CASQ2: variants seen among roughly 807,000 people sequenced by gnomAD.
CASQ2 encodes calsequestrin-2.
In CASQ2, 49 loss-of-function variants were observed where a neutral mutation model predicts 46.5. The observed-to-expected ratio is 1.05, with a 90% CI of 0.84 to 1.34. The LOEUF is 1.34. Among genes scored for constraint, CASQ2 ranks in the 40% most tolerant of loss-of-function variants. The pLI is 0.00. For synonymous variants in CASQ2, 174 were observed against 168.5 expected (o/e 1.03, Z -0.25); for missense variants, 486 against 481.3 (o/e 1.01, Z -0.09).
intron 7 of CASQ2, among the ~76,000 whole-genome samples, chr1:115,720,997 T>C (rs766525711): frequency 2.6e-5 from 4 of 152,218 alleles, no homozygotes; most frequent in Non-Finnish European, 4.4e-5. Context: ...CACTTAATAT[T>C]TTACTCAGTT....
chr1:115,718,277 A>G (rs1161856356), intron 7 of CASQ2, among the ~76,000 whole-genome samples: 3 of 152,230 alleles, frequency 2.0e-5, no homozygotes, highest in African/African-American at 7.2e-5. Context: ...GAGAGCAACA[A>G]TGGCTCTGGA....
rs1320906825 is a variant in CASQ2 at position 115,701,104 on chromosome 1, G to C, written c.*137C>G. 7 of 1,329,732 alleles carry C rather than the reference G, an allele frequency of 5.3e-6. No individual in the cohort carries two copies. The Admixed American group carries it at 1.2e-4, about 22-fold the overall frequency. The allele number at this position is 1,329,732 out of a possible 1,614,324, so 82.4% of individuals were successfully genotyped here. A position where few individuals can be genotyped will look rare whatever the true frequency, so the allele number is the denominator to read the frequency against. On this transcript the variant is annotated 3_prime_UTR_variant, in exon 11 of 11. Transcript: ENST00000261448. ...TGAATGATGCTGCTCCTGACGCAAA[G>C]GGAGTGGGAAAAGAGATGATGGAAA...
At chr1:115,718,917 G>A (rs1048306767) in intron 7 of CASQ2, among the ~76,000 whole-genome samples, 2 of 152,086 alleles carry the variant, frequency 1.3e-5, no homozygotes, top group African/African-American at 4.8e-5. Flanking sequence ...TGAGAAAGAG[G>A]CACCTGGGGA....
chr1:115,701,485 G>T, intron 10 of CASQ2, 59 bp from the exon 11 acceptor site: 1 of 1,097,796 alleles, frequency 9.1e-7, no homozygotes, highest in South Asian at 1.3e-5. Context: ...ACCAGACCAG[G>T]GATAGCCGTG....
At chr1:115,760,935 A>C (rs1648914103) in intron 1 of CASQ2, among the ~76,000 whole-genome samples, 1 of 151,604 alleles carries the variant, frequency 6.6e-6, no homozygotes. Context: ...ATAAAACCTG[A>C]CTCTTTTATA....
intron 1 of CASQ2, among the ~76,000 whole-genome samples, chr1:115,754,299 C>T (rs560092085): frequency 6.6e-6 from 1 of 152,150 alleles, no homozygotes; most frequent in Non-Finnish European, 1.5e-5. Context: ...TCTGAAAGAG[C>T]CTTCGGGGAG....
chr1:115,742,990 G>A (rs955286279), intron 2 of CASQ2, among the ~76,000 whole-genome samples: 8 of 151,858 alleles, frequency 5.3e-5, no homozygotes, highest in East Asian at 1.9e-4. Context: ...GGGTTTCACC[G>A]TGTTAGCCAG....
chr1:115,742,890 G>T (rs1648240476), intron 2 of CASQ2, among the ~76,000 whole-genome samples: 2 of 151,954 alleles, frequency 1.3e-5, no homozygotes, highest in South Asian at 4.2e-4. Context: ...CCAGGTTCAC[G>T]CCATTCTCCT....
intron 8 of CASQ2, among the ~76,000 whole-genome samples, chr1:115,716,805 C>T (rs955030958): frequency 2.6e-5 from 4 of 152,170 alleles, no homozygotes; most frequent in Non-Finnish European, 5.9e-5. Context: ...GATAATGTAG[C>T]CCTTGTCACA....
chr1:115,753,074 T>C (rs1338930522), intron 1 of CASQ2, among the ~76,000 whole-genome samples: 1 of 152,220 alleles, frequency 6.6e-6, no homozygotes, highest in Non-Finnish European at 1.5e-5. Flanking sequence ...CACACAGTGA[T>C]GGCAGGAGGG....
rs756155045 is a variant in CASQ2, at chr1:115,701,348, C to G, written c.1093G>C (p.Val365Leu). 1 of 1,613,490 alleles carries G rather than the reference C, an allele frequency of 6.2e-7. No individual in the cohort carries two copies. ...AEELEDWIEDVLSGKINTEDD... is the reference protein window; with the variant it reads ...AEELEDWIEDLLSGKINTEDD... ...TCAGTGTTTATCTTTCCAGAAAGCA[C>G]ATCCTCAATCCAGTCCTCCAGCTCC... The change falls in exon 11 of 11, where the codon GTG becomes CTG. Residue 365 changes from valine to leucine, a missense_variant. Transcript: ENST00000261448.
intron 4 of CASQ2, among the ~76,000 whole-genome samples, chr1:115,737,935 G>A (rs181575609): frequency 1.3e-5 from 2 of 152,204 alleles, no homozygotes; most frequent in Admixed American, 6.5e-5. Flanking sequence ...CCGACTGGGA[G>A]GTGGGTAGGC....
intron 5 of CASQ2, among the ~76,000 whole-genome samples, chr1:115,730,762 T>C (rs1228423990): frequency 6.6e-6 from 1 of 152,154 alleles, no homozygotes; most frequent in Non-Finnish European, 1.5e-5. Context: ...CTAGTGCCAG[T>C]TGTTTTTTGC....
intron 5 of CASQ2, among the ~76,000 whole-genome samples, chr1:115,729,888 A>G (rs1647728589): frequency 6.6e-6 from 1 of 152,122 alleles, no homozygotes; most frequent in Non-Finnish European, 1.5e-5. Context: ...AAAGAAAGTG[A>G]TTTTTCGTCT....
chr1:115,708,597 C>G (rs534910841), intron 8 of CASQ2, among the ~76,000 whole-genome samples: 2 of 152,222 alleles, frequency 1.3e-5, no homozygotes, highest in Admixed American at 1.3e-4. Context: ...GCATCTACTT[C>G]GTCGGGTAGT....
At chr1:115,707,977 A>G (rs1484501084) in intron 8 of CASQ2, among the ~76,000 whole-genome samples, 1 of 152,222 alleles carries the variant, frequency 6.6e-6, no homozygotes, top group African/African-American at 2.4e-5. Context: ...CAGAACTATA[A>G]GCTGAATACA....
intron 2 of CASQ2, among the ~76,000 whole-genome samples, chr1:115,743,932 T>C (rs972141910): frequency 1.3e-5 from 2 of 151,264 alleles, no homozygotes; most frequent in Non-Finnish European, 1.5e-5. Context: ...AGATCAAGAG[T>C]TCAACACCAG....
Position 115,732,908 on chromosome 1 carries a change from T to A in CASQ2, c.599A>T (p.Asp200Val). ...QPYIKFFATF[D>V]KGVAKKLSLK... Reference sequence around the variant, plus strand: ...GGTTTCATAGGTACTTACCCCTTTGTCAAAGGTGGCAAAGAATTTGATGTA... The same window carrying A: ...GGTTTCATAGGTACTTACCCCTTTGACAAAGGTGGCAAAGAATTTGATGTA... The change falls in exon 5 of 11, where the codon GAC becomes GTC. Residue 200 changes from aspartate to valine, a missense_variant. Asp to Val is a radical substitution (Grantham distance 152). Transcript: ENST00000261448. 1 of 1,612,584 alleles carries A rather than the reference T, an allele frequency of 6.2e-7. No homozygotes were observed. The highest frequency in any genetic ancestry group is 1.1e-5 in the South Asian group (1 of 91,038).
chr1:115,756,361 C>T (rs1361397776), intron 1 of CASQ2, among the ~76,000 whole-genome samples: 1 of 152,152 alleles, frequency 6.6e-6, no homozygotes, highest in African/African-American at 2.4e-5. Flanking sequence ...AAAAGGGAAG[C>T]CTTAGAGGCT....
Sources: gnomAD v4.1 joint callset for allele counts (sites outside exome capture counted in the v4.1 genomes callset) on GRCh38, gnomAD v4.1.1 for gene constraint, MANE v1.5 for transcripts, NCBI Gene and HGNC (gene_info 2026-07-23, HGNC 2026-07-21) for gene names.